Variants in SPAG1 observed in about 807,000 individuals in gnomAD.
The protein encoded by SPAG1 is sperm-associated antigen 1.
In SPAG1, 69 loss-of-function variants were observed where a neutral mutation model predicts 100.5. The ratio of observed to expected loss-of-function variants is 0.69; its 90% CI spans 0.57 to 0.84. SPAG1 has a LOEUF of 0.84. Ranked by LOEUF, SPAG1 falls within the 40% of genes least tolerant of loss-of-function variation. The pLI, the probability that SPAG1 is intolerant of heterozygous loss-of-function variation, is 0.00. For synonymous variants in SPAG1, 336 were observed against 411.6 expected (o/e 0.82, Z 2.22); for missense variants, 955 against 1,133.1 (o/e 0.84, Z 2.26).
chr8:100,190,463 T>G (rs1231162491), intron 8 of SPAG1, among the ~76,000 whole-genome samples: 2 of 152,046 alleles, frequency 1.3e-5, no homozygotes, highest in Non-Finnish European at 2.9e-5. Context: ...AATTACCAAA[T>G]TATACATTGA....
intron 3 of SPAG1, among the ~76,000 whole-genome samples, chr8:100,171,455 C>T (rs1447523557): frequency 6.6e-6 from 1 of 152,118 alleles, no homozygotes; most frequent in Non-Finnish European, 1.5e-5. Flanking sequence ...TCATTGTTGA[C>T]ACTGTATAGG....
rs763106824 is a variant in SPAG1 at position 100,177,915 on chromosome 8, T to G, written c.400T>G (p.Ser134Ala). ...MKDNLPPVRGSNSCLHVGKEK... is the reference protein window; with the variant it reads ...MKDNLPPVRGANSCLHVGKEK... ...AGATAATTTGCCTCCAGTTCGTGGT[T>G]CAAACAGCTGTCTTCATGTAGGCAA... Residue 134 changes from serine to alanine, a missense_variant, in exon 4 of 19, where the codon TCA becomes GCA. Ser to Ala is a moderately conservative substitution (Grantham distance 99, BLOSUM62 1). Transcript: ENST00000388798. 1.2e-6 allele frequency: 2 copies of G among 1,613,116 alleles called. No homozygotes were observed. The highest frequency in any genetic ancestry group is 1.7e-6 in the Non-Finnish European group (2 of 1,179,192).
chr8:100,235,871 CACTT>C (rs1471136640), intron 16 of SPAG1, among the ~76,000 whole-genome samples: 1 of 152,006 alleles, frequency 6.6e-6, no homozygotes, highest in Non-Finnish European at 1.5e-5. Context: ...GCAACACACT[CACTT>C]GTAAAAAAAA....
intron 16 of SPAG1, among the ~76,000 whole-genome samples, chr8:100,238,641 G>A (rs1819114903): frequency 6.6e-6 from 1 of 152,202 alleles, no homozygotes; most frequent in African/African-American, 2.4e-5. Flanking sequence ...AGTGTATTGT[G>A]TGACTCATGG....
At chr8:100,191,608 T>C in intron 9 of SPAG1, 112 bp downstream of exon 9, 1 of 691,910 alleles carries the variant, frequency 1.4e-6, no homozygotes. Context: ...AGGTCACAGC[T>C]TTAAAAGGTA....
At chr8:100,230,682 G>A (rs577586182) in intron 14 of SPAG1, among the ~76,000 whole-genome samples, 4 of 152,254 alleles carry the variant, frequency 2.6e-5, no homozygotes, top group South Asian at 2.1e-4. Flanking sequence ...AGAGTGCAAC[G>A]GCATGATCTT....
chr8:100,187,940 C>T (rs1371871926), intron 8 of SPAG1, among the ~76,000 whole-genome samples: 2 of 152,030 alleles, frequency 1.3e-5, no homozygotes, highest in Admixed American at 6.6e-5. Context: ...GCAACCTCTG[C>T]CTCCTGGATT....
At position 100,191,427 on chromosome 8, in the gene SPAG1, C is replaced by T. The variant is rs1457528565; in HGVS notation, c.870C>T (p.Asn290=). The T allele has an allele frequency of 1.9e-6, 3 of 1,613,898 alleles. No homozygotes were observed. The African/African-American group carries it at 4.0e-5, about 22-fold the overall frequency. ...LRRATTYKHQ[N]KLREATEDLS... is the part of the protein sequence containing the mutation. ...GTGCTACTACATATAAACATCAAAACAAGCTCCGGGAAGCTACAGAAGATT... is the reference window on the plus strand; with the variant it reads ...GTGCTACTACATATAAACATCAAAATAAGCTCCGGGAAGCTACAGAAGATT... Residue 290 remains asparagine (N), a synonymous_variant, in exon 9 of 19, where the codon AAC becomes AAT. Transcript: ENST00000388798.
chr8:100,217,061 C>T (rs576652581), intron 12 of SPAG1, among the ~76,000 whole-genome samples: 15 of 150,934 alleles, frequency 9.9e-5, no homozygotes, highest in Non-Finnish European at 1.6e-4. Flanking sequence ...CTCAGCCTCC[C>T]GAGTTGCTGG....
chr8:100,223,437 A>T (rs908376354), intron 13 of SPAG1, among the ~76,000 whole-genome samples: 1 of 152,010 alleles, frequency 6.6e-6, no homozygotes, highest in Admixed American at 6.6e-5. Context: ...TATTTTGTTG[A>T]TGAGGAGGCT....
At chr8:100,206,402 A>G (rs1817519947) in intron 10 of SPAG1, among the ~76,000 whole-genome samples, 1 of 152,216 alleles carries the variant, frequency 6.6e-6, no homozygotes, top group South Asian at 2.1e-4. Flanking sequence ...TCATAGTCTT[A>G]TTCGGAAAGA....
At chr8:100,177,774 A>T (rs1816192292) in intron 3 of SPAG1, 42 bp from the exon 4 acceptor site, 1 of 1,196,174 alleles carries the variant, frequency 8.4e-7, no homozygotes, top group Non-Finnish European at 1.2e-6. Context: ...GCTTGGTTAT[A>T]ATTATTTCAA....
At chr8:100,198,504 A>G (rs1563790141) in intron 10 of SPAG1, among the ~76,000 whole-genome samples, 1 of 152,218 alleles carries the variant, frequency 6.6e-6, no homozygotes, top group Non-Finnish European at 1.5e-5. Flanking sequence ...AATAGAAATG[A>G]TCAGTAATCT....
intron 3 of SPAG1, among the ~76,000 whole-genome samples, chr8:100,169,224 T>C (rs1205643603): frequency 6.6e-6 from 1 of 152,178 alleles, no homozygotes; most frequent in Non-Finnish European, 1.5e-5. Context: ...TTTAATAAAA[T>C]ATTATCTTTA....
chr8:100,206,139 G>A (rs1817508634), intron 10 of SPAG1, among the ~76,000 whole-genome samples: 1 of 150,798 alleles, frequency 6.6e-6, no homozygotes, highest in South Asian at 2.1e-4. Flanking sequence ...GGATCTTGGA[G>A]CATAACAGTG....
At chr8:100,191,350 C>CATATT (rs750275434) in intron 8 of SPAG1, 40 bp from the exon 9 acceptor site, 6 of 1,363,450 alleles carry the variant, frequency 4.4e-6, no homozygotes, top group African/African-American at 1.4e-5. Flanking sequence ...CATAATGCCA[C>CATATT]ATATTAAAAA....
chr8:100,234,379 ATCT>A (rs1295048829), intron 16 of SPAG1, among the ~76,000 whole-genome samples: 1 of 152,082 alleles, frequency 6.6e-6, no homozygotes, highest in Non-Finnish European at 1.5e-5. Flanking sequence ...TAACATTTTC[ATCT>A]TTCTAGAAAG....
rs754791687 is a variant in SPAG1 at position 100,165,978 on chromosome 8, A to G, written c.300+5A>G. 7 of 1,599,748 alleles carry G rather than the reference A, an allele frequency of 4.4e-6. No individual in the cohort carries two copies. In the Admixed American group the frequency reaches 1.0e-4, roughly 24 times the overall value. ...AAAATTGATGGTGATATAAAGGTAT[A>G]TAGTAATACCAATTTTCCATAGATA... On this transcript the variant is annotated splice_donor_5th_base_variant and intron_variant, in intron 3 of 18. Transcript: ENST00000388798.
At chr8:100,194,453 T>C in intron 10 of SPAG1, 185 bp downstream of exon 10, 1 of 789,280 alleles carries the variant, frequency 1.3e-6, no homozygotes, top group South Asian at 1.9e-5. Context: ...TCAAACCCAT[T>C]TTCCTTCTTA....
Sources: allele counts gnomAD v4.1 joint callset (sites outside exome capture counted in the v4.1 genomes callset), GRCh38; gene constraint gnomAD v4.1.1; transcripts MANE v1.5; gene names NCBI Gene and HGNC (gene_info 2026-07-23, HGNC 2026-07-21).